GRID2: variants seen among roughly 807,000 people sequenced by gnomAD.
The protein encoded by GRID2 is glutamate ionotropic receptor delta type subunit 2.
GRID2 carries 33 observed loss-of-function variants against 114.8 expected under a neutral mutation model. The ratio of observed to expected loss-of-function variants is 0.29; its 90% CI spans 0.22 to 0.38. GRID2 has a LOEUF of 0.38. GRID2 is among the 10% of genes least tolerant of loss of function. The pLI is 1.00. For synonymous variants in GRID2, 505 were observed against 449.9 expected, an observed-to-expected ratio of 1.12 and a Z score of -1.55; for missense variants, 1,184 against 1,257.7, an observed-to-expected ratio of 0.94 and a Z score of 0.89.
At chr4:92,896,253 C>T (rs866201003) in intron 2 of GRID2, among the ~76,000 whole-genome samples, 3 of 152,244 alleles carry the variant, frequency 2.0e-5, no homozygotes, top group African/African-American at 2.4e-5. Context: ...GGCTATGTAG[C>T]CAGGTGTTCC....
chr4:93,617,208 G>T (rs776234567), intron 13 of GRID2, among the ~76,000 whole-genome samples: 1 of 152,092 alleles, frequency 6.6e-6, no homozygotes, highest in Non-Finnish European at 1.5e-5. Flanking sequence ...TTTTCCCACG[G>T]CACATTTTAT....
chr4:93,668,896 A>G (rs1724167914), intron 14 of GRID2, among the ~76,000 whole-genome samples: 1 of 152,160 alleles, frequency 6.6e-6, no homozygotes, highest in Admixed American at 6.5e-5. Context: ...ACTCACAGTT[A>G]GACTGAAGAT....
intron 2 of GRID2, among the ~76,000 whole-genome samples, chr4:92,874,639 G>A (rs1578362479): frequency 6.6e-6 from 1 of 152,236 alleles, no homozygotes; most frequent in Non-Finnish European, 1.5e-5. Flanking sequence ...TATGAGTAAA[G>A]GTTAGAATTT....
intron 14 of GRID2, among the ~76,000 whole-genome samples, chr4:93,767,385 G>A (rs556980265): frequency 9.1e-4 from 138 of 152,260 alleles, no homozygotes; most frequent in African/African-American, 3.2e-3. Context: ...GCTGGAATAA[G>A]GGTGACATAT....
chr4:92,542,107 G>A (rs1199773303), intron 1 of GRID2, among the ~76,000 whole-genome samples: 2 of 152,014 alleles, frequency 1.3e-5, no homozygotes, highest in Non-Finnish European at 2.9e-5. Flanking sequence ...GTTCCCAAAT[G>A]CATATCCTCA....
At chr4:93,057,347 T>C (rs1727354120) in intron 2 of GRID2, among the ~76,000 whole-genome samples, 1 of 151,912 alleles carries the variant, frequency 6.6e-6, no homozygotes, top group South Asian at 2.1e-4. Context: ...TAATGTGACC[T>C]ACAGTCACAT....
In GRID2 at chr4:93,422,849, G is replaced by T; in HGVS notation, c.1426G>T (p.Asp476Tyr). Residue 476 changes from aspartate to tyrosine, a missense_variant, in exon 10 of 16, where the codon GAT becomes TAT. Physicochemically the swap from Asp to Tyr is radical, Grantham distance 160. This residue lies in a region of GRID2 where 717 missense variants were observed against 796.9 expected (regional missense o/e 0.90). Coordinates refer to ENST00000282020, the MANE Select transcript of GRID2 (RefSeq NM_001510.4). ...KYQGFSIDVL[D>Y]ALSNYLGFNY... is the part of the protein sequence containing the mutation. ...CCAGGGCTTCTCCATTGATGTTTTG[G>T]ATGCCTTATCTAACTACCTGGGTTT... 3 of 1,613,228 alleles carry T rather than the reference G, an allele frequency of 1.9e-6. No individual in the cohort carries two copies. Among genetic ancestry groups the T allele is most frequent in the Non-Finnish European group, 2.5e-6 (3 of 1,179,234 alleles).
intron 2 of GRID2, among the ~76,000 whole-genome samples, chr4:92,939,832 T>C (rs1316764201): frequency 1.4e-5 from 2 of 147,028 alleles, no homozygotes; most frequent in Non-Finnish European, 3.0e-5. Flanking sequence ...AATCCTTTCC[T>C]CATTTCTTGT....
intron 14 of GRID2, among the ~76,000 whole-genome samples, chr4:93,667,596 A>G (rs1578518084): frequency 6.6e-6 from 1 of 151,972 alleles, no homozygotes; most frequent in Non-Finnish European, 1.5e-5. Flanking sequence ...CCCAGGATAT[A>G]CCATCCTGTC....
intron 4 of GRID2, among the ~76,000 whole-genome samples, chr4:93,140,416 C>T (rs2149385685): frequency 6.6e-6 from 1 of 152,216 alleles, no homozygotes; most frequent in African/African-American, 2.4e-5. Flanking sequence ...CCTAGGCCTC[C>T]CAAAGTGCTG....
chr4:92,318,262 G>A (rs1726104151), intron 1 of GRID2, among the ~76,000 whole-genome samples: 1 of 142,062 alleles, frequency 7.0e-6, no homozygotes, highest in Non-Finnish European at 1.5e-5. Context: ...TTGGGTGGTT[G>A]TTTCACAAGT....
chr4:93,777,978 T>A (rs1734399317), downstream of GRID2, among the ~76,000 whole-genome samples: 1 of 152,162 alleles, frequency 6.6e-6, no homozygotes, highest in African/African-American at 2.4e-5. Context: ...TAAACACACA[T>A]AGATACCTAT....
intron 2 of GRID2, among the ~76,000 whole-genome samples, chr4:92,969,070 T>G (rs2149168024): frequency 6.6e-6 from 1 of 151,772 alleles, no homozygotes; most frequent in South Asian, 2.1e-4. Context: ...AATAGTAGCA[T>G]AGGTTATGAT....
intron 2 of GRID2, among the ~76,000 whole-genome samples, chr4:92,823,518 G>A (rs1741444924): frequency 6.6e-6 from 1 of 152,018 alleles, no homozygotes; most frequent in South Asian, 2.1e-4. Context: ...AACCTGGATG[G>A]CAACACGGGT....
chr4:93,732,086 A>C (rs1730531161), intron 14 of GRID2, among the ~76,000 whole-genome samples: 1 of 152,202 alleles, frequency 6.6e-6, no homozygotes, highest in Non-Finnish European at 1.5e-5. Flanking sequence ...GCTATTCTAA[A>C]GAGGCAAAAA....
intron 14 of GRID2, among the ~76,000 whole-genome samples, chr4:93,634,571 A>G (rs1352546968): frequency 4.6e-5 from 7 of 152,096 alleles, no homozygotes; most frequent in Non-Finnish European, 1.0e-4. Context: ...AATTCACACA[A>G]CTAATAACAA....
At chr4:92,893,573 A>C (rs1036546497) in intron 2 of GRID2, among the ~76,000 whole-genome samples, 4 of 152,158 alleles carry the variant, frequency 2.6e-5, no homozygotes, top group African/African-American at 9.6e-5. Context: ...ATATTATAAC[A>C]TAGTAGCCCA....
intron 2 of GRID2, among the ~76,000 whole-genome samples, chr4:92,666,516 A>T (rs2149272800): frequency 6.6e-6 from 1 of 151,556 alleles, no homozygotes; most frequent in East Asian, 1.9e-4. Context: ...ATCCAATAAT[A>T]TGGCAAATTT....
At chr4:92,727,072 ATATCT>A (rs1736102306) in intron 2 of GRID2, among the ~76,000 whole-genome samples, 1 of 152,086 alleles carries the variant, frequency 6.6e-6, no homozygotes, top group African/African-American at 2.4e-5. Flanking sequence ...ATCTAATAAC[ATATCT>A]TAGTTATCAA....
Sources: allele counts gnomAD v4.1 joint callset (sites outside exome capture counted in the v4.1 genomes callset), GRCh38; gene constraint gnomAD v4.1.1; regional missense constraint gnomAD v4.1.1; transcripts MANE v1.5; gene names NCBI Gene and HGNC (gene_info 2026-07-23, HGNC 2026-07-21).